Variants in CDH23 observed in about 807,000 individuals in gnomAD.
CDH23 encodes cadherin related 23, also known as cadherin-23.
A neutral mutation model predicts 317.1 loss-of-function variants in CDH23; 189 were observed. The ratio of observed to expected loss-of-function variants is 0.60; its 90% CI spans 0.53 to 0.67. The LOEUF is 0.67. Among genes scored for constraint, CDH23 ranks in the 30% least tolerant of loss-of-function variants. The pLI is 0.00. For missense variants in CDH23, 4,401 were observed against 4,592.4 expected (o/e 0.96, Z 1.20); for synonymous variants, 1,839 against 1,876.8 (o/e 0.98, Z 0.52).
chr10:71,544,291 A>G (rs1359945843), intron 6 of CDH23, among the ~76,000 whole-genome samples: 1 of 152,174 alleles, frequency 6.6e-6, no homozygotes, highest in African/African-American at 2.4e-5. Flanking sequence ...CATCCAGTGG[A>G]CCGAGAGAGT....
intron 10 of CDH23, among the ~76,000 whole-genome samples, chr10:71,616,197 G>A (rs370441623): frequency 1.3e-5 from 2 of 152,246 alleles, no homozygotes. Flanking sequence ...CCCGTTTAGG[G>A]GTATGGATCC....
At chr10:71,603,008 A>G (rs548609156) in intron 9 of CDH23, among the ~76,000 whole-genome samples, 1 of 152,248 alleles carries the variant, frequency 6.6e-6, no homozygotes, top group East Asian at 1.9e-4. Context: ...CTTCCCCATT[A>G]GACGGTGGGC....
At chr10:71,732,442 T>C (rs1183519596) in intron 32 of CDH23, 67 bp downstream of exon 32, 1 of 1,541,446 alleles carries the variant, frequency 6.5e-7, no homozygotes, top group Non-Finnish European at 8.8e-7. Context: ...GCTCCTTCTG[T>C]GTGCACAGCA....
chr10:71,747,789 G>A (rs1839888250), intron 38 of CDH23: 1 of 152,296 alleles, frequency 6.6e-6, no homozygotes, highest in Admixed American at 6.5e-5. Flanking sequence ...GCCCAAGGCA[G>A]ACATGGCTAT....
chr10:71,737,729 T>A (rs1020487662), intron 34 of CDH23: 1 of 470,810 alleles, frequency 2.1e-6, no homozygotes, highest in African/African-American at 2.0e-5. Context: ...CCTGGGTACC[T>A]GTGATTCCAG....
chr10:71,680,289 G>A (rs2132675863), intron 17 of CDH23, among the ~76,000 whole-genome samples: 1 of 152,324 alleles, frequency 6.6e-6, no homozygotes, highest in African/African-American at 2.4e-5. Context: ...TAGCTTTAAG[G>A]GCTCATTTAA....
At chr10:71,757,310 C>T (rs886360067) in intron 38 of CDH23, among the ~76,000 whole-genome samples, 1 of 152,216 alleles carries the variant, frequency 6.6e-6, no homozygotes. Flanking sequence ...CTTCTATCCC[C>T]AGGTAGAGAT....
intron 38 of CDH23, among the ~76,000 whole-genome samples, chr10:71,764,022 T>C (rs1303864434): frequency 1.3e-5 from 2 of 152,146 alleles, no homozygotes; most frequent in South Asian, 2.1e-4. Context: ...TTTGGAGTCA[T>C]TGTCAGGGTG....
At position 71,510,971 on chromosome 10, in the gene CDH23, C is replaced by G; in HGVS notation, c.306C>G (p.Thr102=). 12 of 1,613,936 alleles carry G rather than the reference C, an allele frequency of 7.4e-6. No homozygotes were observed. The highest frequency in any genetic ancestry group is 1.0e-5 in the Non-Finnish European group (12 of 1,179,856). ...PLDRETKSEF[T]VEFSVSDHQG... is the part of the protein sequence containing the mutation. ...TCTTTCAGACCAAGTCAGAGTTCAC[C>G]GTGGAGTTCTCTGTCAGCGACCACC... Residue 102 remains threonine (T), a synonymous_variant, in exon 5 of 70, where the codon ACC becomes ACG. Coordinates refer to ENST00000224721, the MANE Select transcript of CDH23 (RefSeq NM_022124.6).
chr10:71,546,968 G>A (rs972008935), intron 6 of CDH23, among the ~76,000 whole-genome samples: 2 of 152,240 alleles, frequency 1.3e-5, no homozygotes, highest in Non-Finnish European at 2.9e-5. Flanking sequence ...AGGCAGATGA[G>A]GGGCAGGTCA....
intron 28 of CDH23, among the ~76,000 whole-genome samples, chr10:71,723,240 G>A (rs991379444): frequency 2.6e-5 from 4 of 152,192 alleles, no homozygotes; most frequent in Admixed American, 1.3e-4. Flanking sequence ...CCTGGGGGGT[G>A]TTTGTTCTCC....
intron 14 of CDH23, among the ~76,000 whole-genome samples, chr10:71,656,355 G>A (rs1237794537): frequency 2.0e-5 from 3 of 152,160 alleles, no homozygotes; most frequent in African/African-American, 7.2e-5. Flanking sequence ...CCCTCTGGGA[G>A]CCCCTGTGTC....
At chr10:71,578,404 T>C (rs961783987) in intron 9 of CDH23, among the ~76,000 whole-genome samples, 2 of 152,174 alleles carry the variant, frequency 1.3e-5, no homozygotes, top group African/African-American at 2.4e-5. Flanking sequence ...TCTAGCATCA[T>C]TTTAGAACAA....
intron 3 of CDH23, among the ~76,000 whole-genome samples, chr10:71,480,214 C>T (rs567808381): frequency 1.3e-5 from 2 of 152,326 alleles, no homozygotes; most frequent in African/African-American, 2.4e-5. Context: ...AGGGGTTGCT[C>T]GAGATTCTCA....
chr10:71,648,221 C>T (rs1862989386), intron 14 of CDH23, among the ~76,000 whole-genome samples: 2 of 152,220 alleles, frequency 1.3e-5, no homozygotes, highest in Admixed American at 1.3e-4. Flanking sequence ...AATAAATCAC[C>T]AGGCGCTTGA....
chr10:71,727,370 A>G (rs16929266), intron 30 of CDH23, among the ~76,000 whole-genome samples: 27,700 of 152,192 alleles, frequency 0.18, 2,690 homozygotes, highest in South Asian at 0.33. Flanking sequence ...GGTAATTTTA[A>G]GGTGAGAATT....
chr10:71,790,166 G>C (rs1217607788), intron 45 of CDH23, 122 bp from the exon 46 acceptor site: 3 of 1,379,082 alleles, frequency 2.2e-6, no homozygotes, highest in Admixed American at 4.4e-5. Context: ...TCCCCACCCT[G>C]TCCACCTCAC....
Position 71,751,781 on chromosome 10 carries a change from G to T in CDH23, c.4845+9860G>T. On this transcript the variant is annotated intron_variant, in intron 38 of 69. Coordinates refer to ENST00000224721, the MANE Select transcript of CDH23 (RefSeq NM_022124.6). The surrounding 1 kb of genome is among the most constrained non-coding windows in gnomAD (Gnocchi z 4.9). Reference sequence around the variant, plus strand: ...CTGCCGCTGGGCCACATAGGACAGGGGGTGCCTGACTTTGGCCTCGGGTAT... The same window carrying T: ...CTGCCGCTGGGCCACATAGGACAGGTGGTGCCTGACTTTGGCCTCGGGTAT... 1 of 1,601,354 alleles carries T rather than the reference G, an allele frequency of 6.2e-7. No individual in the cohort carries two copies. The highest frequency in any genetic ancestry group is 8.5e-7 in the Non-Finnish European group (1 of 1,173,850).
chr10:71,684,832 G>A (rs975775440), intron 18 of CDH23, among the ~76,000 whole-genome samples: 4 of 152,184 alleles, frequency 2.6e-5, no homozygotes, highest in South Asian at 2.1e-4. Context: ...AGGGAAATAA[G>A]TTAAGTGTTC....
Sources: gnomAD v4.1 joint callset for allele counts (sites outside exome capture counted in the v4.1 genomes callset) on GRCh38, gnomAD v4.1.1 for gene constraint, Gnocchi (gnomAD v3.1) non-coding constraint, MANE v1.5 for transcripts, NCBI Gene and HGNC (gene_info 2026-07-23, HGNC 2026-07-21) for gene names.